Variants in ATP10A observed in about 807,000 individuals in gnomAD.
The protein encoded by ATP10A is phospholipid-transporting ATPase VA.
In ATP10A, 111 loss-of-function variants were observed where a neutral mutation model predicts 147.8. The ratio of observed to expected loss-of-function variants is 0.75; its 90% CI spans 0.64 to 0.88. ATP10A has a LOEUF of 0.88. Ranked by LOEUF, ATP10A falls within the 40% of genes least tolerant of loss-of-function variation. The pLI is 0.00. For synonymous variants in ATP10A, 875 were observed against 841.6 expected (o/e 1.04, Z -0.69); for missense variants, 1,927 against 1,959.0 (o/e 0.98, Z 0.31).
At chr15:25,816,163 C>T (rs530653314) in intron 1 of ATP10A, among the ~76,000 whole-genome samples, 12 of 151,462 alleles carry the variant, frequency 7.9e-5, no homozygotes, top group Non-Finnish European at 1.6e-4. Context: ...AACAGAACTT[C>T]GAGAACAATA....
intron 2 of ATP10A, among the ~76,000 whole-genome samples, chr15:25,771,179 C>T (rs781512814): frequency 6.6e-6 from 1 of 152,100 alleles, no homozygotes; most frequent in Non-Finnish European, 1.5e-5. Flanking sequence ...CTTGTGCCTT[C>T]CCCACTGAGG....
At chr15:25,758,960 C>A (rs1053045030) in intron 2 of ATP10A, among the ~76,000 whole-genome samples, 8 of 152,210 alleles carry the variant, frequency 5.3e-5, no homozygotes, top group African/African-American at 1.9e-4. Flanking sequence ...TGACTCCCGC[C>A]AAAGCACTTA....
At chr15:25,688,925 TTTA>T (rs1183301621) in intron 15 of ATP10A, among the ~76,000 whole-genome samples, 1 of 152,222 alleles carries the variant, frequency 6.6e-6, no homozygotes, top group African/African-American at 2.4e-5. Flanking sequence ...TCAAAAATCA[TTTA>T]TTAAGACTCC....
intron 15 of ATP10A, among the ~76,000 whole-genome samples, chr15:25,690,184 G>T: frequency 6.8e-6 from 1 of 146,484 alleles, no homozygotes. Flanking sequence ...GAATCTACAT[G>T]TATTTCACAT....
At chr15:25,724,166 G>A (rs575719131) in intron 5 of ATP10A, 145 bp from the exon 6 acceptor site, 70 of 870,260 alleles carry the variant, frequency 8.0e-5, no homozygotes, top group Non-Finnish European at 1.1e-4. Flanking sequence ...GTCAGAAAGC[G>A]AAAACACAAT....
intron 3 of ATP10A, among the ~76,000 whole-genome samples, chr15:25,729,315 C>T (rs11853081): frequency 0.95 from 145,299 of 152,294 alleles, 69,661 homozygotes; most frequent in East Asian, 1. Context: ...GGTGAAACCC[C>T]GTCACCAGGT....
At chr15:25,859,582 C>G (rs1438361469) in intron 1 of ATP10A, among the ~76,000 whole-genome samples, 1 of 152,096 alleles carries the variant, frequency 6.6e-6, no homozygotes, top group Non-Finnish European at 1.5e-5. Context: ...CTAACCCCCC[C>G]AGAATCACCC....
At chr15:25,760,246 T>C (rs888390238) in intron 2 of ATP10A, among the ~76,000 whole-genome samples, 1 of 152,242 alleles carries the variant, frequency 6.6e-6, no homozygotes, top group Admixed American at 6.5e-5. Context: ...TCGAATATTT[T>C]AAATTATATG....
At chr15:25,688,585 G>GA (rs11423467) in intron 15 of ATP10A, among the ~76,000 whole-genome samples, 22,027 of 151,008 alleles carry the variant, frequency 0.15, 1,737 homozygotes, top group South Asian at 0.28. Flanking sequence ...AATGTCTTTG[G>GA]AAAAAAAAAT....
In ATP10A at chr15:25,862,627, TCGCC is replaced by T. The variant is rs758716781; in HGVS notation, c.449+17_449+20del. ...CTGCCCTGCGCCACCGCGCGCTCGC[TCGCC>T]CGCCCGCCCAACTCACCTGCTGAAG... is the stretch of plus-strand genomic sequence containing the variant. On this transcript the variant is annotated intron_variant, in intron 1 of 20. Transcript: ENST00000555815. The T allele has an allele frequency of 5.2e-6, 8 of 1,533,968 alleles. No homozygotes were observed. The highest frequency in any genetic ancestry group is 1.8e-6 in the Non-Finnish European group (2 of 1,140,430).
intron 3 of ATP10A, among the ~76,000 whole-genome samples, chr15:25,731,980 T>G (rs533631529): frequency 6.6e-6 from 1 of 152,048 alleles, no homozygotes; most frequent in Non-Finnish European, 1.5e-5. Context: ...CTCAACCTCC[T>G]GAGTTTCTGT....
chr15:25,748,654 GA>G (rs373012273), intron 2 of ATP10A, among the ~76,000 whole-genome samples: 27 of 144,732 alleles, frequency 1.9e-4, no homozygotes, highest in East Asian at 4.0e-4. Flanking sequence ...AATTAGGTAA[GA>G]AAAAAAAAAG....
intron 3 of ATP10A, among the ~76,000 whole-genome samples, chr15:25,729,005 A>G (rs764312562): frequency 6.6e-6 from 1 of 152,188 alleles, no homozygotes; most frequent in Non-Finnish European, 1.5e-5. Flanking sequence ...AGGGCGACAC[A>G]GGCCCAGAAG....
At chr15:25,697,104 G>T (rs1163895738) in intron 13 of ATP10A, among the ~76,000 whole-genome samples, 4 of 152,204 alleles carry the variant, frequency 2.6e-5, no homozygotes, top group African/African-American at 9.7e-5. Flanking sequence ...GAGAAGCTTG[G>T]CTAACTGACC....
chr15:25,757,290 C>T (rs542386926), intron 2 of ATP10A, among the ~76,000 whole-genome samples: 1 of 151,984 alleles, frequency 6.6e-6, no homozygotes, highest in Admixed American at 6.5e-5. Context: ...AATTTAAATC[C>T]ATAAAATATT....
intron 1 of ATP10A, among the ~76,000 whole-genome samples, chr15:25,816,985 A>AT (rs1891685650): frequency 2.0e-5 from 3 of 152,052 alleles, no homozygotes; most frequent in South Asian, 4.2e-4. Flanking sequence ...GGAAAAAAAA[A>AT]TCCTACCTGA....
At chr15:25,797,077 ACTC>A (rs1020783136) in intron 1 of ATP10A, among the ~76,000 whole-genome samples, 8 of 151,596 alleles carry the variant, frequency 5.3e-5, no homozygotes, top group Non-Finnish European at 7.4e-5. Context: ...TCCTAAAACG[ACTC>A]CTCCTGTCTA....
At chr15:25,783,481 C>CT (rs1029495179) in intron 1 of ATP10A, among the ~76,000 whole-genome samples, 1 of 147,006 alleles carries the variant, frequency 6.8e-6, no homozygotes, top group Admixed American at 6.8e-5. Context: ...TGAGGGACCC[C>CT]CCCCTGGCAA....
chr15:25,706,533 C>T (rs1425177888), intron 12 of ATP10A, among the ~76,000 whole-genome samples: 1 of 152,236 alleles, frequency 6.6e-6, no homozygotes, highest in Non-Finnish European at 1.5e-5. Flanking sequence ...GCATGACCAG[C>T]TTGCAGTGGC....
Sources: allele counts gnomAD v4.1 joint callset (sites outside exome capture counted in the v4.1 genomes callset), GRCh38; gene constraint gnomAD v4.1.1; transcripts MANE v1.5; gene names NCBI Gene and HGNC (gene_info 2026-07-23, HGNC 2026-07-21).